Variants in PPARGC1A observed in about 807,000 individuals in gnomAD.
PPARGC1A encodes the protein PPARG coactivator 1 alpha, also known as peroxisome proliferator-activated receptor gamma coactivator 1-alpha.
PPARGC1A carries 25 observed loss-of-function variants against 88.7 expected under a neutral mutation model. The observed-to-expected ratio is 0.28, with a 90% CI of 0.21 to 0.39. The LOEUF is 0.39. PPARGC1A is among the 10% of genes least tolerant of loss of function. The probability of loss-of-function intolerance (pLI) is 1.00; values close to 1 mark genes in which losing one functional copy is unlikely to be tolerated. For missense variants in PPARGC1A, 880 were observed against 968.7 expected (o/e 0.91, Z 1.22); for synonymous variants, 363 against 355.6 (o/e 1.02, Z -0.24).
the PPARGC1A span, among the ~76,000 whole-genome samples, chr4:24,339,210 GTGTATATATATATA>G: frequency 0.014 from 1,509 of 110,560 alleles, 27 homozygotes; most frequent in South Asian, 0.12. Context: ...GTGTGTGTGT[GTGTATATATATATA>G]TATATATATA....
chr4:24,337,693 G>GA, the PPARGC1A span, among the ~76,000 whole-genome samples: 352 of 127,322 alleles, frequency 2.8e-3, 1 homozygote, highest in Middle Eastern at 4.6e-3. Flanking sequence ...TTTTACAAAT[G>GA]AAAAAAAAAA....
the PPARGC1A span, among the ~76,000 whole-genome samples, chr4:24,047,612 G>A: frequency 2.0e-5 from 3 of 152,262 alleles, no homozygotes; most frequent in South Asian, 4.1e-4. Flanking sequence ...ATTGGAACCC[G>A]GGCAGACAGA....
chr4:24,151,081 T>C, the PPARGC1A span, among the ~76,000 whole-genome samples: 1 of 152,234 alleles, frequency 6.6e-6, no homozygotes, highest in African/African-American at 2.4e-5. Flanking sequence ...GAAAACATCG[T>C]TGCCTCTAAA....
the PPARGC1A span, among the ~76,000 whole-genome samples, chr4:24,168,632 CACAG>C: frequency 4.1e-5 from 6 of 145,842 alleles, no homozygotes; most frequent in Non-Finnish European, 1.5e-5. Flanking sequence ...CACACAAACA[CACAG>C]ACATAGACAC....
At chr4:23,970,697 A>C in the PPARGC1A span, among the ~76,000 whole-genome samples, 1 of 152,166 alleles carries the variant, frequency 6.6e-6, no homozygotes, top group Non-Finnish European at 1.5e-5. Flanking sequence ...GTGTTACAAA[A>C]TACTTTAACT....
chr4:23,794,277 CATG>C lies in PPARGC1A; in HGVS notation c.*1542_*1544del, dbSNP rs1199725987. ...CCCATTGAGAGACTTTACATAAAAT[CATG>C]ATATCTTCTAGAAAAATTTTAGATG... On this transcript the variant is annotated 3_prime_UTR_variant, in exon 13 of 13. Transcript: ENST00000264867. 1 of 152,506 alleles carries C rather than the reference CATG, an allele frequency of 6.6e-6. No individual in the cohort carries two copies. The highest frequency in any genetic ancestry group is 1.5e-5 in the Non-Finnish European group (1 of 68,014). The allele number at this position is 152,506 out of a possible 1,614,324, so 9.4% of individuals were successfully genotyped here. A position where few individuals can be genotyped will look rare whatever the true frequency, so the allele number is the denominator to read the frequency against.
chr4:24,401,000 A>G, the PPARGC1A span, among the ~76,000 whole-genome samples: 26 of 140,872 alleles, frequency 1.8e-4, no homozygotes, highest in South Asian at 4.5e-4. Context: ...GGTACTTTAA[A>G]TATACCTGAA....
At chr4:24,462,565 A>ATC in the PPARGC1A span, among the ~76,000 whole-genome samples, 3 of 151,794 alleles carry the variant, frequency 2.0e-5, no homozygotes, top group African/African-American at 7.3e-5. Context: ...ACGTTACTTC[A>ATC]TCTCTCTGGG....
At chr4:23,868,604 A>G (rs140917776) in intron 2 of PPARGC1A, among the ~76,000 whole-genome samples, 486 of 152,332 alleles carry the variant, frequency 3.2e-3, no homozygotes, top group Non-Finnish European at 5.5e-3. Flanking sequence ...CCAAAAAGCT[A>G]TTACTTAGAA....
chr4:23,958,913 T>C, the PPARGC1A span, among the ~76,000 whole-genome samples: 15 of 151,848 alleles, frequency 9.9e-5, no homozygotes, highest in Admixed American at 7.2e-4. Flanking sequence ...TATTTATCCT[T>C]AAAGGGCTTA....
At chr4:24,174,909 C>T in the PPARGC1A span, among the ~76,000 whole-genome samples, 5 of 152,174 alleles carry the variant, frequency 3.3e-5, no homozygotes, top group African/African-American at 1.2e-4. Context: ...GTGCCCTGCC[C>T]AACGCAGGGC....
chr4:24,003,733 C>T, the PPARGC1A span, among the ~76,000 whole-genome samples: 4 of 151,644 alleles, frequency 2.6e-5, no homozygotes, highest in African/African-American at 9.7e-5. Flanking sequence ...GGATATCTTA[C>T]ACCATGAAAA....
chr4:23,914,362 A>T, the PPARGC1A span, among the ~76,000 whole-genome samples: 1 of 152,222 alleles, frequency 6.6e-6, no homozygotes, highest in Non-Finnish European at 1.5e-5. Flanking sequence ...CTTATTGATT[A>T]CTTGCCCTCT....
chr4:24,215,900 T>C, the PPARGC1A span, among the ~76,000 whole-genome samples: 2 of 152,196 alleles, frequency 1.3e-5, no homozygotes, highest in Admixed American at 6.5e-5. Flanking sequence ...TTAGTTCTTA[T>C]AGTTCACCCC....
the PPARGC1A span, among the ~76,000 whole-genome samples, chr4:24,081,970 G>C: frequency 6.6e-6 from 1 of 151,996 alleles, no homozygotes; most frequent in Non-Finnish European, 1.5e-5. Context: ...GATTGAAAAA[G>C]GGGTATACAT....
At chr4:23,807,194 G>A (rs981801061) in intron 10 of PPARGC1A, among the ~76,000 whole-genome samples, 3 of 152,080 alleles carry the variant, frequency 2.0e-5, no homozygotes, top group African/African-American at 7.2e-5. Context: ...GAGGTGAGTG[G>A]AGTGGAGGGT....
the PPARGC1A span, among the ~76,000 whole-genome samples, chr4:24,303,267 AT>A: frequency 9.2e-3 from 1,409 of 152,360 alleles, 11 homozygotes; most frequent in Non-Finnish European, 0.016. Context: ...AGTAAAAAAA[AT>A]ATGAGTCTAA....
At chr4:24,449,447 A>G in the PPARGC1A span, among the ~76,000 whole-genome samples, 7 of 152,122 alleles carry the variant, frequency 4.6e-5, no homozygotes, top group Admixed American at 4.6e-4. Context: ...AGCACTTCTC[A>G]CTTTCAGAAA....
At chr4:24,457,527 TTTTG>T in the PPARGC1A span, among the ~76,000 whole-genome samples, 9,314 of 149,984 alleles carry the variant, frequency 0.062, 335 homozygotes, top group East Asian at 0.11. Flanking sequence ...AGATACTGTT[TTTTG>T]TTTGTTTGTT....
Sources: allele counts gnomAD v4.1 joint callset (sites outside exome capture counted in the v4.1 genomes callset), GRCh38; gene constraint gnomAD v4.1.1; transcripts MANE v1.5; gene names NCBI Gene and HGNC (gene_info 2026-07-23, HGNC 2026-07-21).